RHOBTB1: variants seen among roughly 807,000 people sequenced by gnomAD.
RHOBTB1 encodes the protein Rho related BTB domain containing 1.
RHOBTB1 carries 40 observed loss-of-function variants against 71.6 expected under a neutral mutation model. The ratio of observed to expected loss-of-function variants is 0.56; its 90% CI spans 0.43 to 0.73. RHOBTB1 has a LOEUF of 0.73. Ranked by LOEUF, RHOBTB1 falls within the 30% of genes least tolerant of loss-of-function variation. The pLI is 0.00. For synonymous variants in RHOBTB1, 319 were observed against 334.9 expected, an observed-to-expected ratio of 0.95 and a Z score of 0.52; for missense variants, 797 against 894.0, an observed-to-expected ratio of 0.89 and a Z score of 1.38.
intron 1 of RHOBTB1, among the ~76,000 whole-genome samples, chr10:60,996,601 T>A (rs1056269440): frequency 1.3e-5 from 2 of 152,096 alleles, no homozygotes; most frequent in African/African-American, 4.8e-5. Flanking sequence ...CGAGGGCTGT[T>A]GGAATGTGCC....
chr10:60,903,781 C>T lies in RHOBTB1; in HGVS notation c.296+7106G>A, dbSNP rs78159256. 7.1e-4 allele frequency among the ~76,000 whole-genome samples: 108 copies of T among 152,132 alleles called. 1 individual carries two copies. The highest frequency in any genetic ancestry group is 2.4e-3 in the African/African-American group (98 of 41,492). ...GTGTGACAGTATGACAGTGTCCCAT[C>T]GTTAGTTTCAGGGTTATATTCAGCT... On this transcript the variant is annotated intron_variant, in intron 4 of 10. Transcript: ENST00000337910.
At chr10:60,956,243 A>G (rs111662510) in intron 2 of RHOBTB1, among the ~76,000 whole-genome samples, 1 of 152,212 alleles carries the variant, frequency 6.6e-6, no homozygotes, top group African/African-American at 2.4e-5. Context: ...CAGAAAAGGT[A>G]CAGTAAAAAT....
At chr10:60,914,761 C>T (rs2083180623) in intron 2 of RHOBTB1, among the ~76,000 whole-genome samples, 1 of 152,178 alleles carries the variant, frequency 6.6e-6, no homozygotes, top group African/African-American at 2.4e-5. Context: ...ACTATCATTG[C>T]TTCACTTATT....
At chr10:60,911,115 C>G (rs751189433) in intron 3 of RHOBTB1, 125 bp from the exon 4 acceptor site, 15 of 812,232 alleles carry the variant, frequency 1.8e-5, no homozygotes, top group Non-Finnish European at 3.0e-5. Context: ...TTCTATCTGA[C>G]GGGATTTAAG....
At chr10:60,952,702 C>A (rs2085455472) in intron 2 of RHOBTB1, among the ~76,000 whole-genome samples, 1 of 152,196 alleles carries the variant, frequency 6.6e-6, no homozygotes, top group South Asian at 2.1e-4. Context: ...ATCCTATATA[C>A]TTGAAAGACT....
intron 7 of RHOBTB1, among the ~76,000 whole-genome samples, chr10:60,878,836 G>A (rs754963825): frequency 2.0e-5 from 3 of 152,160 alleles, no homozygotes; most frequent in African/African-American, 4.8e-5. Flanking sequence ...TGTAGAGGTG[G>A]GCATGGATTA....
intron 2 of RHOBTB1, among the ~76,000 whole-genome samples, chr10:60,984,647 G>T (rs2086604726): frequency 6.6e-6 from 1 of 152,152 alleles, no homozygotes; most frequent in Non-Finnish European, 1.5e-5. Context: ...AGAAGGATCA[G>T]CAAATTTTAT....
chr10:60,942,927 G>C (rs1334016422), intron 1 of RHOBTB1, among the ~76,000 whole-genome samples: 3 of 152,074 alleles, frequency 2.0e-5, no homozygotes, highest in East Asian at 3.9e-4. Context: ...TGGGGGTGGG[G>C]GAGCCCCAAA....
upstream of RHOBTB1, among the ~76,000 whole-genome samples, chr10:60,945,800 CAGAA>C (rs2085202323): frequency 6.6e-6 from 1 of 152,168 alleles, no homozygotes; most frequent in Non-Finnish European, 1.5e-5. Flanking sequence ...TCTTTGATAT[CAGAA>C]AGAGAGGGTA....
At chr10:60,894,751 G>T (rs1194041411) in intron 4 of RHOBTB1, among the ~76,000 whole-genome samples, 2 of 152,166 alleles carry the variant, frequency 1.3e-5, no homozygotes, top group Admixed American at 6.6e-5. Context: ...AAAAAGAATT[G>T]AGGAAATATA....
At position 60,915,165 on chromosome 10, in the gene RHOBTB1, T is replaced by C. The variant is rs556539462; in HGVS notation, c.-10-3613A>G. Among the ~76,000 whole-genome samples, 16 of 152,338 alleles carry C rather than the reference T, an allele frequency of 1.1e-4. No homozygotes were observed. In the South Asian group the frequency reaches 3.3e-3, roughly 32 times the overall value. On this transcript the variant is annotated intron_variant, in intron 2 of 10. Transcript: ENST00000337910. ...TTCATTTGTTACACATAAAGAAACATTAAATTATGGTAGTAATTATAAAAA... is the reference window on the plus strand; with the variant it reads ...TTCATTTGTTACACATAAAGAAACACTAAATTATGGTAGTAATTATAAAAA...
At chr10:60,874,839 T>C (rs2080965867) in intron 9 of RHOBTB1, 115 bp downstream of exon 9, 1 of 744,022 alleles carries the variant, frequency 1.3e-6, no homozygotes, top group East Asian at 2.6e-5. Context: ...ACAGGGGGAC[T>C]CTGTGACTCA....
At chr10:60,974,710 G>A (rs1357658867) in intron 2 of RHOBTB1, among the ~76,000 whole-genome samples, 1 of 152,030 alleles carries the variant, frequency 6.6e-6, no homozygotes, top group African/African-American at 2.4e-5. Flanking sequence ...TCTAGACAGA[G>A]ACACAAGTTT....
intron 1 of RHOBTB1, among the ~76,000 whole-genome samples, chr10:60,988,133 A>C (rs2086731244): frequency 6.7e-6 from 1 of 149,450 alleles, no homozygotes; most frequent in South Asian, 2.1e-4. Flanking sequence ...ACGGGATTTC[A>C]CTGTGTTAGC....
At chr10:60,932,343 C>T (rs192784414) in intron 2 of RHOBTB1, among the ~76,000 whole-genome samples, 4 of 151,898 alleles carry the variant, frequency 2.6e-5, no homozygotes, top group Admixed American at 2.6e-4. Context: ...GTTTCAAACA[C>T]ACTGAGGGTG....
chr10:60,986,404 GATATATATATATATAT>G (rs34154360), intron 1 of RHOBTB1, among the ~76,000 whole-genome samples: 1 of 67,642 alleles, frequency 1.5e-5, no homozygotes, highest in South Asian at 5.4e-4. Flanking sequence ...ATAAATAAAA[GATATATATATATATAT>G]ATATATATAT....
chr10:60,952,419 T>TTGGG, intron 2 of RHOBTB1, among the ~76,000 whole-genome samples: 1 of 152,334 alleles, frequency 6.6e-6, no homozygotes, highest in East Asian at 1.9e-4. Context: ...CCACTATGTG[T>TTGGG]TGGGCATGAA....
chr10:60,861,245 T>C, the RHOBTB1 span, among the ~76,000 whole-genome samples: 6 of 152,232 alleles, frequency 3.9e-5, no homozygotes, highest in Non-Finnish European at 8.8e-5. Context: ...GGGAATTGTT[T>C]TCCGTTTATC....
At chr10:60,975,926 G>C (rs1210481365) in intron 2 of RHOBTB1, among the ~76,000 whole-genome samples, 2 of 152,000 alleles carry the variant, frequency 1.3e-5, no homozygotes, top group African/African-American at 4.8e-5. Context: ...GGGGATGGTG[G>C]AAAATGAGGA....
Sources: gnomAD v4.1 joint callset for allele counts (sites outside exome capture counted in the v4.1 genomes callset) on GRCh38, gnomAD v4.1.1 for gene constraint, MANE v1.5 for transcripts, NCBI Gene and HGNC (gene_info 2026-07-23, HGNC 2026-07-21) for gene names.